Variants in NAA35 observed in about 807,000 individuals in gnomAD.
The protein encoded by NAA35 is MAK10 homolog, amino-acid N-acetyltransferase subunit.
A neutral mutation model predicts 101.7 loss-of-function variants in NAA35; 18 were observed. That is an observed-to-expected ratio of 0.18 (90% CI 0.12 to 0.26). NAA35 has a LOEUF of 0.26. Among genes scored for constraint, NAA35 ranks in the 10% least tolerant of loss-of-function variants. NAA35 has a pLI of 1.00. For synonymous variants in NAA35, 267 were observed against 273.1 expected (o/e 0.98, Z 0.22); for missense variants, 601 against 886.8 (o/e 0.68, Z 4.09).
At chr9:85,985,962 G>A (rs529203528) in intron 11 of NAA35, among the ~76,000 whole-genome samples, 4 of 152,276 alleles carry the variant, frequency 2.6e-5, no homozygotes, top group South Asian at 2.1e-4. Context: ...AAAGAGGGAA[G>A]CATGAGGTTT....
chr9:85,959,942 A>T, intron 5 of NAA35, 75 bp downstream of exon 5: 1 of 1,080,330 alleles, frequency 9.3e-7, no homozygotes, highest in Non-Finnish European at 1.4e-6. Context: ...AAAAGCCTAT[A>T]CACTAATGTT....
chr9:85,984,184 C>A (rs1361691150), intron 11 of NAA35, among the ~76,000 whole-genome samples: 1 of 151,992 alleles, frequency 6.6e-6, no homozygotes. Flanking sequence ...AAAAATTAGC[C>A]AGGTGTGGTG....
At chr9:86,000,460 T>C (rs1046212386) in intron 12 of NAA35, among the ~76,000 whole-genome samples, 1 of 152,136 alleles carries the variant, frequency 6.6e-6, no homozygotes, top group Admixed American at 6.6e-5. Flanking sequence ...CAATAGTTTC[T>C]GTAGGAATGG....
In NAA35 at chr9:86,020,879, C is replaced by G. The variant is rs893814882; in HGVS notation, c.2038-10C>G. On this transcript the variant is annotated splice_polypyrimidine_tract_variant and intron_variant, in intron 21 of 22. Coordinates refer to ENST00000361671, the MANE Select transcript of NAA35 (RefSeq NM_024635.4). ...GTTAATGTTTCAGTAGTTTTATGTTCATGTTTCAGGTTAATAGAATTTTAA... is the reference window on the plus strand; with the variant it reads ...GTTAATGTTTCAGTAGTTTTATGTTGATGTTTCAGGTTAATAGAATTTTAA... The G allele has an allele frequency of 6.3e-7, 1 of 1,599,312 alleles. No individual in the cohort carries two copies. Among genetic ancestry groups the G allele is most frequent in the South Asian group, 1.1e-5 (1 of 89,390 alleles).
chr9:85,996,811 A>G (rs1587636068), intron 12 of NAA35, among the ~76,000 whole-genome samples: 1 of 152,178 alleles, frequency 6.6e-6, no homozygotes, highest in Non-Finnish European at 1.5e-5. Flanking sequence ...CTTTTACACT[A>G]TTTTAGAGAT....
rs183482450 is a variant in NAA35 at position 85,986,364 on chromosome 9, A to G, written c.877+7983A>G. ...ATTATAACCAAAATTATGATCTAAC[A>G]GTGTTGTAGGTGAGGGGACAGAAGT... On this transcript the variant is annotated intron_variant, in intron 11 of 22. Transcript: ENST00000361671. The G allele has an allele frequency of 5.1e-3, 2,367 of 466,950 alleles. 60 individuals carry two copies. The highest frequency in any genetic ancestry group is 0.027 in the South Asian group (1,726 of 64,396). 28.9% of individuals were successfully genotyped at this position (466,950 alleles called of 1,614,324 possible).
At chr9:85,991,118 G>A (rs948986919) in intron 11 of NAA35, among the ~76,000 whole-genome samples, 4 of 152,090 alleles carry the variant, frequency 2.6e-5, no homozygotes, top group Admixed American at 2.0e-4. Context: ...GGAACAACCT[G>A]GCACTGTATG....
rs1422898758 is a variant in NAA35 at position 86,003,678 on chromosome 9, A to G, written c.1116+34A>G. On this transcript the variant is annotated intron_variant, in intron 13 of 22. Coordinates refer to ENST00000361671, the MANE Select transcript of NAA35 (RefSeq NM_024635.4). Reference sequence around the variant, plus strand: ...CACTTAGTATCAAAATACTTATTTAAACATTATATGTGTATTGACATTGTT... The same window carrying G: ...CACTTAGTATCAAAATACTTATTTAGACATTATATGTGTATTGACATTGTT... 3 of 1,278,014 alleles carry G rather than the reference A, an allele frequency of 2.3e-6. No homozygotes were observed. The Admixed American group carries it at 5.3e-5, about 23-fold the overall frequency. The allele number at this position is 1,278,014 out of a possible 1,614,324, so 79.2% of individuals were successfully genotyped here. A position where few individuals can be genotyped will look rare whatever the true frequency, so the allele number is the denominator to read the frequency against.
chr9:86,003,531 T>G (rs1831503262), intron 12 of NAA35, 54 bp from the exon 13 acceptor site: 3 of 1,082,524 alleles, frequency 2.8e-6, no homozygotes, highest in Admixed American at 4.0e-5. Context: ...TGAAGTGTTT[T>G]TAGCTTTTAT....
At chr9:85,959,301 G>A (rs984233782) in intron 4 of NAA35, among the ~76,000 whole-genome samples, 29 of 151,434 alleles carry the variant, frequency 1.9e-4, no homozygotes, top group Admixed American at 1.3e-3. Context: ...GCGTGGACCC[G>A]GGAGGCGGAG....
At position 86,013,904 on chromosome 9, in the gene NAA35, G is replaced by A; in HGVS notation, c.1568+7G>A. On this transcript the variant is annotated splice_region_variant and intron_variant, in intron 17 of 22. Transcript: ENST00000361671. ...AGTACTATTACATATATTGGTAAGA[G>A]CACAGTTTGAGTTAAAATTGGTGGT... is the stretch of plus-strand genomic sequence containing the variant. 6.4e-7 allele frequency: 1 copy of A among 1,567,858 alleles called. No individual in the cohort carries two copies. The highest frequency in any genetic ancestry group is 1.2e-5 in the South Asian group (1 of 83,716).
chr9:85,951,434 G>C (rs1384448998), intron 2 of NAA35, among the ~76,000 whole-genome samples: 1 of 152,110 alleles, frequency 6.6e-6, no homozygotes, highest in Non-Finnish European at 1.5e-5. Flanking sequence ...ATTCCTCTTT[G>C]ATACTCCAAA....
At position 86,021,916 on chromosome 9, in the gene NAA35, G is replaced by C. The variant is rs764687730; in HGVS notation, c.2134G>C (p.Asp712His). The change falls in exon 23 of 23, where the codon GAT becomes CAT. Residue 712 changes from aspartate (D) to histidine (H), a missense_variant. Physicochemically the swap from Asp to His is moderately conservative, Grantham distance 81 (BLOSUM62 -1). Around this residue, in one of 8 missense-constraint regions of NAA35, gnomAD observed 21 missense variants for 51.4 expected, o/e 0.41. Transcript: ENST00000361671. ...TCTTTAACAGGTTCCTCCTGAATTT[G>C]ATTTCTCTGCTCATAAATATTTTCC... The part of the protein sequence containing the change: ...KKESKVPPEF[D>H]FSAHKYFPVV... 2 of 1,613,014 alleles carry C rather than the reference G, an allele frequency of 1.2e-6. No homozygotes were observed. The highest frequency in any genetic ancestry group is 8.5e-7 in the Non-Finnish European group (1 of 1,179,530).
rs1410651236 is a variant in NAA35, at chr9:86,023,484, C to G, written c.*1524C>G. Reference sequence around the variant, plus strand: ...ATGAGCATGGACATTTGGCAAACAACCAAGAAGAGAGCCTGAAGCAAGTTA... The same window carrying G: ...ATGAGCATGGACATTTGGCAAACAAGCAAGAAGAGAGCCTGAAGCAAGTTA... On this transcript the variant is annotated 3_prime_UTR_variant, in exon 23 of 23. Transcript: ENST00000361671. 6.6e-6 allele frequency among the ~76,000 whole-genome samples: 1 copy of G among 152,116 alleles called. No individual in the cohort carries two copies. The highest frequency in any genetic ancestry group is 1.5e-5 in the Non-Finnish European group (1 of 68,014).
intron 11 of NAA35, among the ~76,000 whole-genome samples, chr9:85,993,268 G>A (rs929266145): frequency 6.6e-6 from 1 of 152,172 alleles, no homozygotes; most frequent in African/African-American, 2.4e-5. Context: ...TGCCTGCCAG[G>A]TTCAAATGAT....
At chr9:85,954,935 T>A (rs1319307702) in intron 2 of NAA35, among the ~76,000 whole-genome samples, 1 of 152,220 alleles carries the variant, frequency 6.6e-6, no homozygotes, top group Non-Finnish European at 1.5e-5. Flanking sequence ...TTGTTTTGTT[T>A]GAGAGGGAGT....
At chr9:85,952,562 G>A (rs1028608983) in intron 2 of NAA35, among the ~76,000 whole-genome samples, 4 of 152,096 alleles carry the variant, frequency 2.6e-5, no homozygotes, top group Non-Finnish European at 5.9e-5. Context: ...TGGGATTATA[G>A]GCGTGAGCCA....
rs115333232 is a variant in NAA35, at chr9:85,977,134, G to C, written c.679-229G>C. Among the ~76,000 whole-genome samples, 791 of 152,104 alleles carry C rather than the reference G, an allele frequency of 5.2e-3. 4 individuals carry two copies. The highest frequency in any genetic ancestry group is 0.018 in the African/African-American group (756 of 41,528). ...AGGTAATAGTGTAAATTTTGACTTA[G>C]GACAAGATCAGTGCTGTTGATATAG... On this transcript the variant is annotated intron_variant, in intron 9 of 22. Transcript: ENST00000361671.
rs569661416 is a variant in NAA35 at position 85,964,803 on chromosome 9, A to G, written c.516+2623A>G. ...CTGGAGGTACACTGTCTGTCTTTCA[A>G]TGGCGATATTATTTTGATCAATCCA... On this transcript the variant is annotated intron_variant, in intron 6 of 22. Coordinates refer to ENST00000361671, the MANE Select transcript of NAA35 (RefSeq NM_024635.4). 1.2e-4 allele frequency among the ~76,000 whole-genome samples: 19 copies of G among 152,292 alleles called. No individual in the cohort carries two copies. In the South Asian group the frequency reaches 1.7e-3, roughly 13 times the overall value.
Sources: gnomAD v4.1 joint callset for allele counts (sites outside exome capture counted in the v4.1 genomes callset) on GRCh38, gnomAD v4.1.1 for gene constraint, gnomAD v4.1.1 regional missense constraint, MANE v1.5 for transcripts, NCBI Gene and HGNC (gene_info 2026-07-23, HGNC 2026-07-21) for gene names.